The following C12orf42 variants were observed in gnomAD, a reference collection of about 807,000 sequenced individuals.
The protein encoded by C12orf42 is uncharacterized protein C12orf42.
In C12orf42, 25 loss-of-function variants were observed where a neutral mutation model predicts 21.6. The ratio of observed to expected loss-of-function variants is 1.16; its 90% CI spans 0.84 to 1.62. The LOEUF (loss-of-function observed/expected upper bound fraction) is 1.62. Among genes scored for constraint, C12orf42 ranks in the 40% most tolerant of loss-of-function variants. The pLI, the probability that C12orf42 is intolerant of heterozygous loss-of-function variation, is 0.00. For synonymous variants in C12orf42, 174 were observed against 175.0 expected, an observed-to-expected ratio of 0.99 and a Z score of 0.05; for missense variants, 483 against 459.3, an observed-to-expected ratio of 1.05 and a Z score of -0.47.
At chr12:103,146,437 G>A in the C12orf42 span, among the ~76,000 whole-genome samples, 1 of 146,026 alleles carries the variant, frequency 6.8e-6, no homozygotes, top group Admixed American at 7.0e-5. Context: ...CTGAGATCAT[G>A]CCACTGCACT....
chr12:103,130,365 T>A, the C12orf42 span, among the ~76,000 whole-genome samples: 2 of 150,138 alleles, frequency 1.3e-5, no homozygotes, highest in African/African-American at 4.9e-5. Context: ...ATGGCTTGAC[T>A]GAGGCTTTAT....
intron 2 of C12orf42, among the ~76,000 whole-genome samples, chr12:103,458,837 C>A (rs967068800): frequency 3.9e-5 from 6 of 151,912 alleles, no homozygotes; most frequent in Non-Finnish European, 2.9e-5. Context: ...GGATCTCTCA[C>A]AATTTAGGAG....
chr12:103,361,300 C>T (rs1305662299), intron 4 of C12orf42, among the ~76,000 whole-genome samples: 1 of 152,064 alleles, frequency 6.6e-6, no homozygotes, highest in Non-Finnish European at 1.5e-5. Flanking sequence ...AAGGATTTGA[C>T]CTTACCTGGA....
chr12:103,155,073 G>T, the C12orf42 span: 2 of 152,146 alleles, frequency 1.3e-5, no homozygotes, highest in African/African-American at 4.8e-5. Flanking sequence ...AATTTGTGTG[G>T]AACTAGAAAT....
At chr12:103,259,638 A>G (rs933680589) in intron 10 of C12orf42, among the ~76,000 whole-genome samples, 3 of 152,192 alleles carry the variant, frequency 2.0e-5, no homozygotes, top group African/African-American at 7.2e-5. Flanking sequence ...TTGTTTAACT[A>G]TTCGTAAGAC....
At chr12:103,523,596 GTTCATATA>G in the C12orf42 span, among the ~76,000 whole-genome samples, 2 of 150,130 alleles carry the variant, frequency 1.3e-5, no homozygotes, top group Admixed American at 6.6e-5. Flanking sequence ...TATATATACA[GTTCATATA>G]TACATATATA....
At chr12:103,136,798 A>T in the C12orf42 span, among the ~76,000 whole-genome samples, 1 of 152,204 alleles carries the variant, frequency 6.6e-6, no homozygotes, top group Non-Finnish European at 1.5e-5. Flanking sequence ...CCCTCTCTTC[A>T]ATTAGTTGTT....
At chr12:103,446,520 A>G (rs1242909956) in intron 2 of C12orf42, among the ~76,000 whole-genome samples, 2 of 152,142 alleles carry the variant, frequency 1.3e-5, no homozygotes, top group East Asian at 3.9e-4. Flanking sequence ...CAATACTTAC[A>G]TTGAATGTAA....
intron 2 of C12orf42, among the ~76,000 whole-genome samples, chr12:103,467,393 C>T (rs1352828449): frequency 6.6e-6 from 1 of 152,092 alleles, no homozygotes; most frequent in East Asian, 1.9e-4. Flanking sequence ...GAGATTGCTG[C>T]AAAACGATCT....
chr12:103,508,584 G>A, the C12orf42 span, among the ~76,000 whole-genome samples: 1 of 152,126 alleles, frequency 6.6e-6, no homozygotes, highest in African/African-American at 2.4e-5. Context: ...ACCCCTCTCT[G>A]AAATGTCCCC....
At chr12:103,364,108 TC>T (rs1310832800) in intron 4 of C12orf42, among the ~76,000 whole-genome samples, 1 of 152,056 alleles carries the variant, frequency 6.6e-6, no homozygotes, top group Non-Finnish European at 1.5e-5. Context: ...AAAACAAGCC[TC>T]AATACATTTA....
chr12:103,206,796 G>A, the C12orf42 span, among the ~76,000 whole-genome samples: 47 of 152,212 alleles, frequency 3.1e-4, no homozygotes, highest in Middle Eastern at 6.8e-3. Flanking sequence ...AGCCAAGTGA[G>A]AATTTCATAT....
At chr12:103,170,551 T>C in the C12orf42 span, among the ~76,000 whole-genome samples, 1 of 151,490 alleles carries the variant, frequency 6.6e-6, no homozygotes, top group Non-Finnish European at 1.5e-5. Flanking sequence ...GTACACATAC[T>C]CTGTTCTCTA....
chr12:103,546,566 G>A, the C12orf42 span, among the ~76,000 whole-genome samples: 43 of 152,268 alleles, frequency 2.8e-4, no homozygotes, highest in African/African-American at 8.4e-4. Flanking sequence ...AACCTCAGTC[G>A]CCTGATGGTG....
At position 103,406,150 on chromosome 12, in the gene C12orf42, G is replaced by A. The variant is rs555558856; in HGVS notation, c.79-4475C>T. The stretch of plus-strand genomic sequence containing the variant: ...GGGAATACACTATTCTTGAAGGCAC[G>A]TACTACTAATCCAGGGCTTCTTACA... On this transcript the variant is annotated intron_variant, in intron 2 of 5. Transcript: ENST00000548883. 5.9e-5 allele frequency among the ~76,000 whole-genome samples: 9 copies of A among 152,240 alleles called. No homozygotes were observed. In the South Asian group the frequency reaches 1.0e-3, roughly 18 times the overall value.
chr12:103,115,299 T>A, the C12orf42 span, among the ~76,000 whole-genome samples: 19 of 152,208 alleles, frequency 1.2e-4, no homozygotes, highest in Non-Finnish European at 1.2e-4. Context: ...TCTTTTTGTG[T>A]TCCAGTTGAA....
downstream of C12orf42, among the ~76,000 whole-genome samples, chr12:103,301,149 G>A (rs2037620374): frequency 6.6e-6 from 1 of 151,996 alleles, no homozygotes; most frequent in Admixed American, 6.5e-5. Flanking sequence ...TGTCTTAAAT[G>A]TAATCATACT....
rs12582331 is a variant in C12orf42, at chr12:103,344,089, C to T, written c.259+24798G>A. Among the ~76,000 whole-genome samples, 1,974 of 152,140 alleles carry T rather than the reference C, an allele frequency of 0.013. 127 individuals are homozygous for T. In the East Asian group the frequency reaches 0.22, roughly 17 times the overall value. The stretch of plus-strand genomic sequence containing the variant: ...TGTTACCAAATGTCACCTGATATGA[C>T]CAAATTAGAAAAAGGGTGGAGGCCC... On this transcript the variant is annotated intron_variant, in intron 4 of 5. Transcript: ENST00000548883.
chr12:103,169,992 A>G, the C12orf42 span, among the ~76,000 whole-genome samples: 1 of 152,142 alleles, frequency 6.6e-6, no homozygotes, highest in Non-Finnish European at 1.5e-5. Context: ...TTAATTTTGT[A>G]TATAGAAGGA....
Sources: gnomAD v4.1 joint callset for allele counts (sites outside exome capture counted in the v4.1 genomes callset) on GRCh38, gnomAD v4.1.1 for gene constraint, MANE v1.5 for transcripts, NCBI Gene and HGNC (gene_info 2026-07-23, HGNC 2026-07-21) for gene names.